The following SNX8 variants were observed in gnomAD, a reference collection of about 807,000 sequenced individuals.
The protein encoded by SNX8 is sorting nexin-8.
SNX8 carries 25 observed loss-of-function variants against 51.6 expected under a neutral mutation model. The observed-to-expected ratio is 0.48, with a 90% CI of 0.35 to 0.68. The LOEUF is 0.68. Among genes scored for constraint, SNX8 ranks in the 30% least tolerant of loss-of-function variants. The pLI, the probability that SNX8 is intolerant of heterozygous loss-of-function variation, is 0.00. For missense variants in SNX8, 695 were observed against 624.0 expected (o/e 1.11, Z -1.21); for synonymous variants, 324 against 277.0 (o/e 1.17, Z -1.68).
At chr7:2,333,616 G>A (rs1026725311) in intron 1 of SNX8, among the ~76,000 whole-genome samples, 1 of 152,066 alleles carries the variant, frequency 6.6e-6, no homozygotes, top group Admixed American at 6.6e-5. Context: ...TATTGTCATA[G>A]GGAGACACAA....
intron 1 of SNX8, among the ~76,000 whole-genome samples, chr7:2,291,975 G>T (rs762585445): frequency 2.0e-5 from 3 of 152,172 alleles, no homozygotes; most frequent in Non-Finnish European, 4.4e-5. Context: ...TCAAAAGCAT[G>T]AGGCATGGCT....
At chr7:2,278,692 T>C (rs1211071643) in intron 1 of SNX8, among the ~76,000 whole-genome samples, 4 of 105,310 alleles carry the variant, frequency 3.8e-5, no homozygotes, top group Non-Finnish European at 5.5e-5. Context: ...CACTACGGAG[T>C]CGACGCCGGA....
Position 2,324,273 on chromosome 7 carries a change from C to T in SNX8, c.-66+29949G>A, listed in dbSNP as rs1778589195. ...CAGCCTGGGCAACGTAGTGACACCCCATCTCTATTTTCTTTCTTTCTTTTT... is the reference window on the plus strand; with the variant it reads ...CAGCCTGGGCAACGTAGTGACACCCTATCTCTATTTTCTTTCTTTCTTTTT... On this transcript the variant is annotated intron_variant, in intron 1 of 5. Coordinates refer to the SNX8 transcript ENST00000435336. 2.0e-5 allele frequency among the ~76,000 whole-genome samples: 3 copies of T among 151,028 alleles called. No homozygotes were observed. The South Asian group carries it at 6.3e-4, about 32-fold the overall frequency.
At chr7:2,258,045 C>G (rs1044396020) in intron 7 of SNX8, among the ~76,000 whole-genome samples, 5 of 144,932 alleles carry the variant, frequency 3.4e-5, no homozygotes, top group African/African-American at 7.9e-5. Flanking sequence ...AGTCTTCGCT[C>G]TGTCGCCCAG....
At chr7:2,298,685 T>G (rs973812319) in intron 1 of SNX8, among the ~76,000 whole-genome samples, 6 of 150,856 alleles carry the variant, frequency 4.0e-5, no homozygotes, top group East Asian at 2.0e-4. Context: ...TTTGGTTTTG[T>G]TTTTGTTTTT....
intron 1 of SNX8, among the ~76,000 whole-genome samples, chr7:2,304,319 C>T (rs372305501): frequency 4.4e-4 from 67 of 151,890 alleles, no homozygotes; most frequent in East Asian, 2.9e-3. Flanking sequence ...CCAAGGTGGG[C>T]AGATCACGAG....
At chr7:2,288,821 C>A (rs750099647) in intron 1 of SNX8, among the ~76,000 whole-genome samples, 3 of 152,276 alleles carry the variant, frequency 2.0e-5, no homozygotes, top group South Asian at 2.1e-4. Context: ...GTAGCCTTGA[C>A]GTCCCCGGCT....
intron 1 of SNX8, among the ~76,000 whole-genome samples, chr7:2,281,588 C>A (rs1476192969): frequency 6.6e-6 from 1 of 152,030 alleles, no homozygotes; most frequent in Non-Finnish European, 1.5e-5. Flanking sequence ...AAACTGACAC[C>A]CCTTGAAGCA....
chr7:2,279,796 C>T (rs1262113117), intron 1 of SNX8, among the ~76,000 whole-genome samples: 1 of 151,400 alleles, frequency 6.6e-6, no homozygotes, highest in Non-Finnish European at 1.5e-5. Flanking sequence ...CCCTGGAAGG[C>T]TTCCACCTGC....
At chr7:2,326,665 CA>C (rs34942007) in intron 1 of SNX8, among the ~76,000 whole-genome samples, 19 of 148,024 alleles carry the variant, frequency 1.3e-4, no homozygotes, top group African/African-American at 4.0e-4. Flanking sequence ...CACTCCATCT[CA>C]AAAAAAAATA....
chr7:2,321,057 C>T (rs6461310), intron 1 of SNX8, among the ~76,000 whole-genome samples: 6 of 152,040 alleles, frequency 3.9e-5, no homozygotes, highest in East Asian at 1.9e-4. Context: ...AAAACAAAAA[C>T]GAAATGTGTG....
chr7:2,315,594 T>TTCAC (rs145858873), upstream of SNX8, among the ~76,000 whole-genome samples: 7 of 129,536 alleles, frequency 5.4e-5, no homozygotes, highest in African/African-American at 2.1e-4. Context: ...CATTCATCCA[T>TTCAC]TCACTCACTC....
At chr7:2,303,052 G>C (rs901142677) in intron 1 of SNX8, among the ~76,000 whole-genome samples, 38 of 150,396 alleles carry the variant, frequency 2.5e-4, no homozygotes, top group African/African-American at 9.1e-4. Context: ...GTCCAGGAGG[G>C]AGGTGGGGAG....
At chr7:2,341,077 G>A (rs1368086211) in intron 1 of SNX8, among the ~76,000 whole-genome samples, 1 of 151,228 alleles carries the variant, frequency 6.6e-6, no homozygotes, top group Non-Finnish European at 1.5e-5. Context: ...AACTGAGGTG[G>A]GAGGATCACT....
At chr7:2,353,797 G>A (rs1257552291) in intron 1 of SNX8, among the ~76,000 whole-genome samples, 1 of 151,942 alleles carries the variant, frequency 6.6e-6, no homozygotes, top group African/African-American at 2.4e-5. Context: ...GGCGTGCGGG[G>A]GGTGGTGGTG....
chr7:2,273,660 T>C (rs1488380624), intron 3 of SNX8, among the ~76,000 whole-genome samples: 1 of 150,672 alleles, frequency 6.6e-6, no homozygotes. Context: ...TCCCAGCACT[T>C]TGGGAGGCTG....
At chr7:2,299,351 G>GA (rs1796342790) in intron 1 of SNX8, 2 of 151,972 alleles carry the variant, frequency 1.3e-5, no homozygotes, top group African/African-American at 4.8e-5. Context: ...TCACCGCTCA[G>GA]ATGATTTCCT....
In SNX8 at chr7:2,349,715, C is replaced by T. The variant is rs192527635; in HGVS notation, c.-66+4507G>A. On this transcript the variant is annotated intron_variant, in intron 1 of 5. Transcript: ENST00000435336. ...GCTCCCAAAGTGTTGGGATTACAGG[C>T]GTGAGCCACCGCGCCTGGCCAATTT... Among the ~76,000 whole-genome samples the T allele has an allele frequency of 3.2e-3, 494 of 152,192 alleles. 2 individuals are homozygous for T. Among genetic ancestry groups the T allele is most frequent in the African/African-American group, 0.011 (465 of 41,536 alleles).
intron 1 of SNX8, among the ~76,000 whole-genome samples, chr7:2,344,902 C>A (rs1194613574): frequency 6.6e-6 from 1 of 152,176 alleles, no homozygotes; most frequent in Non-Finnish European, 1.5e-5. Flanking sequence ...TCATTTTCTG[C>A]TTGAATCAGA....
Sources: allele counts gnomAD v4.1 joint callset (sites outside exome capture counted in the v4.1 genomes callset), GRCh38; gene constraint gnomAD v4.1.1; transcripts MANE v1.5; gene names NCBI Gene and HGNC (gene_info 2026-07-23, HGNC 2026-07-21).